UBP1: variants seen among roughly 807,000 people sequenced by gnomAD.
UBP1 encodes the protein upstream binding protein 1.
UBP1 carries 22 observed loss-of-function variants against 76.1 expected under a neutral mutation model. The observed-to-expected ratio is 0.29, with a 90% CI of 0.21 to 0.41. The LOEUF (loss-of-function observed/expected upper bound fraction) is 0.41, where lower values mean the gene tolerates loss of function less well. Ranked by LOEUF, UBP1 falls within the 10% of genes least tolerant of loss-of-function variation. UBP1 has a pLI of 1.00. For synonymous variants in UBP1, 224 were observed against 237.1 expected (o/e 0.94, Z 0.51); for missense variants, 436 against 668.1 (o/e 0.65, Z 3.83).
rs373895993 is a variant in UBP1, at chr3:33,412,375, A to G, written c.448+347T>C. On this transcript the variant is annotated intron_variant, in intron 4 of 15. Transcript: ENST00000283629. Reference sequence around the variant, plus strand: ...GAAAATAATGTATATACATACATACATATATATGTATGTGTGTGCGTATGT... The same window carrying G: ...GAAAATAATGTATATACATACATACGTATATATGTATGTGTGTGCGTATGT... Among the ~76,000 whole-genome samples, 25 of 152,086 alleles carry G rather than the reference A, an allele frequency of 1.6e-4. 2 individuals are homozygous for G. The South Asian group carries it at 4.1e-3, about 25-fold the overall frequency.
chr3:33,396,420 T>C, intron 12 of UBP1, 140 bp from the exon 13 acceptor site: 1 of 605,744 alleles, frequency 1.7e-6, no homozygotes, highest in Non-Finnish European at 2.8e-6. Flanking sequence ...AGTAATTTAC[T>C]AATAAAAATA....
intron 12 of UBP1, 181 bp from the exon 13 acceptor site, chr3:33,396,461 C>A: frequency 1.9e-6 from 1 of 514,890 alleles, no homozygotes. Context: ...CCAACTATCA[C>A]AGGTGGTCTA....
At chr3:33,425,479 G>C (rs1407697919) in intron 2 of UBP1, 111 bp downstream of exon 2, 3 of 1,178,984 alleles carry the variant, frequency 2.5e-6, no homozygotes, top group Non-Finnish European at 3.4e-6. Context: ...TAAAATTTAA[G>C]AAAAAGAACC....
intron 1 of UBP1, among the ~76,000 whole-genome samples, chr3:33,437,362 C>G (rs968865784): frequency 3.3e-5 from 5 of 152,132 alleles, no homozygotes; most frequent in Non-Finnish European, 7.3e-5. Flanking sequence ...AACCTCTGGG[C>G]TCAAGCAATC....
intron 10 of UBP1, among the ~76,000 whole-genome samples, chr3:33,400,709 T>C (rs1010299711): frequency 2.0e-5 from 3 of 152,002 alleles, no homozygotes; most frequent in Non-Finnish European, 2.9e-5. Context: ...AAGAACTGGA[T>C]TAAAGGGTGC....
Position 33,402,846 on chromosome 3 carries a change from G to A in UBP1, c.986C>T (p.Pro329Leu). The A allele has an allele frequency of 6.2e-7, 1 of 1,609,212 alleles. No individual in the cohort carries two copies. Among genetic ancestry groups the A allele is most frequent in the Non-Finnish European group, 8.5e-7 (1 of 1,178,366 alleles). ...AYVNNSPSPA[P>L]TFTSPQQSTC... ...GCTCTGCTGTGGGGAGGTGAAAGTG[G>A]GCGCTGGGGAAGGGCTGTTATTCAC... Residue 329 changes from proline (P) to leucine (L), a missense_variant, in exon 9 of 16, where the codon CCC becomes CTC. Pro to Leu is a moderately conservative substitution (Grantham distance 98). Coordinates refer to ENST00000283629, the MANE Select transcript of UBP1 (RefSeq NM_014517.5).
intron 11 of UBP1, 169 bp from the exon 12 acceptor site, chr3:33,397,304 C>T (rs996476846): frequency 8.2e-6 from 4 of 490,644 alleles, no homozygotes; most frequent in Non-Finnish European, 1.4e-5. Flanking sequence ...TCCTTCAGAG[C>T]CAAGGAAAAT....
At chr3:33,409,955 T>A (rs2044526981) in intron 5 of UBP1, among the ~76,000 whole-genome samples, 1 of 152,224 alleles carries the variant, frequency 6.6e-6, no homozygotes. Context: ...TACTAAGCCC[T>A]GTTCAATCCA....
At chr3:33,409,623 A>G in intron 5 of UBP1, 22 bp from the exon 6 acceptor site, 2 of 1,614,008 alleles carry the variant, frequency 1.2e-6, no homozygotes, top group Non-Finnish European at 1.7e-6. Context: ...TTCAGGCTGA[A>G]ATGGATTCAA....
chr3:33,429,589 A>G (rs2154059597), intron 1 of UBP1, among the ~76,000 whole-genome samples: 1 of 152,262 alleles, frequency 6.6e-6, no homozygotes, highest in Non-Finnish European at 1.5e-5. Context: ...TCGGCCTCCT[A>G]AAGTGCTGGG....
intron 2 of UBP1, among the ~76,000 whole-genome samples, chr3:33,423,611 G>A (rs1462102147): frequency 1.3e-5 from 2 of 152,172 alleles, no homozygotes; most frequent in African/African-American, 4.8e-5. Context: ...ATGGAAATAG[G>A]TAGTAGTTTC....
At chr3:33,396,307 G>A in intron 12 of UBP1, 27 bp from the exon 13 acceptor site, 5 of 1,530,356 alleles carry the variant, frequency 3.3e-6, no homozygotes, top group Non-Finnish European at 4.5e-6. Flanking sequence ...CCACTGATGA[G>A]CCTGGGAGAG....
chr3:33,406,753 G>A (rs566455071), intron 8 of UBP1, among the ~76,000 whole-genome samples: 1 of 152,128 alleles, frequency 6.6e-6, no homozygotes, highest in Non-Finnish European at 1.5e-5. Context: ...TTATGGTTTC[G>A]GTACACTGTG....
chr3:33,426,035 A>ATATATATG (rs2045010996), intron 1 of UBP1, among the ~76,000 whole-genome samples: 2 of 82,020 alleles, frequency 2.4e-5, no homozygotes, highest in East Asian at 1.7e-3. Flanking sequence ...ATATATATAT[A>ATATATATG]TATAGCACTT....
At chr3:33,395,899 T>A in intron 13 of UBP1, among the ~76,000 whole-genome samples, 1 of 149,652 alleles carries the variant, frequency 6.7e-6, no homozygotes, top group African/African-American at 2.5e-5. Context: ...GTTTTTCCAC[T>A]TGTTAGATAT....
chr3:33,440,921 C>T (rs2045291844), upstream of UBP1: 1 of 152,268 alleles, frequency 6.6e-6, no homozygotes, highest in Non-Finnish European at 1.5e-5. Context: ...GTTTGCACCC[C>T]ATCTGGTGAC....
intron 4 of UBP1, among the ~76,000 whole-genome samples, chr3:33,412,058 G>A (rs967739627): frequency 1.3e-5 from 2 of 151,864 alleles, no homozygotes; most frequent in Admixed American, 6.6e-5. Flanking sequence ...GCAGTGGCGC[G>A]TGCCTGTAGT....
At chr3:33,412,284 T>A (rs1007009650) in intron 4 of UBP1, among the ~76,000 whole-genome samples, 5 of 151,822 alleles carry the variant, frequency 3.3e-5, no homozygotes, top group Non-Finnish European at 4.4e-5. Context: ...AAAAGCTACT[T>A]GACGTTTTAA....
intron 15 of UBP1, chr3:33,391,680 G>A (rs1391770777): frequency 6.6e-6 from 1 of 152,120 alleles, no homozygotes; most frequent in African/African-American, 2.4e-5. Context: ...CTCAAAAGTG[G>A]AGCCCACTGG....
Sources: gnomAD v4.1 joint callset for allele counts (sites outside exome capture counted in the v4.1 genomes callset) on GRCh38, gnomAD v4.1.1 for gene constraint, MANE v1.5 for transcripts, NCBI Gene and HGNC (gene_info 2026-07-23, HGNC 2026-07-21) for gene names.